The following LRRC4C variants were observed in gnomAD, a reference collection of about 807,000 sequenced individuals.
LRRC4C encodes the protein leucine-rich repeat-containing protein 4C.
A neutral mutation model predicts 33.6 loss-of-function variants in LRRC4C; 5 were observed. The observed-to-expected ratio is 0.15, with a 90% confidence interval of 0.08 to 0.31. The LOEUF (loss-of-function observed/expected upper bound fraction) is 0.31. Ranked by LOEUF, LRRC4C falls within the 10% of genes least tolerant of loss-of-function variation. LRRC4C has a pLI of 1.00. For missense variants in LRRC4C, 560 were observed against 796.7 expected (o/e 0.70, Z 3.58); for synonymous variants, 329 against 302.0 (o/e 1.09, Z -0.93).
At chr11:41,377,664 G>A (rs949647660) in intron 1 of LRRC4C, among the ~76,000 whole-genome samples, 4 of 152,090 alleles carry the variant, frequency 2.6e-5, no homozygotes, top group African/African-American at 9.7e-5. Flanking sequence ...AAACATAGAT[G>A]ATCCTTCAAA....
At chr11:40,209,621 C>A (rs1002605377) in intron 5 of LRRC4C, among the ~76,000 whole-genome samples, 2 of 152,118 alleles carry the variant, frequency 1.3e-5, no homozygotes, top group Non-Finnish European at 1.5e-5. Flanking sequence ...CGGCTCACGG[C>A]AACCTCTGCC....
chr11:40,789,048 G>A (rs1350597475), intron 2 of LRRC4C, among the ~76,000 whole-genome samples: 4 of 146,090 alleles, frequency 2.7e-5, no homozygotes, highest in Non-Finnish European at 5.9e-5. Context: ...AGCCGAGATC[G>A]CGCCACTGCG....
chr11:41,399,333 G>A (rs1953939950), intron 1 of LRRC4C, among the ~76,000 whole-genome samples: 1 of 151,942 alleles, frequency 6.6e-6, no homozygotes, highest in Non-Finnish European at 1.5e-5. Context: ...TTAGAAGTAT[G>A]TTCATTTTCT....
At chr11:40,980,923 C>T (rs1852473734) in intron 1 of LRRC4C, among the ~76,000 whole-genome samples, 1 of 152,162 alleles carries the variant, frequency 6.6e-6, no homozygotes, top group Non-Finnish European at 1.5e-5. Flanking sequence ...AACAGTAACA[C>T]ATATCAGGCT....
At chr11:41,014,063 C>A (rs2137571893) in intron 1 of LRRC4C, among the ~76,000 whole-genome samples, 1 of 152,216 alleles carries the variant, frequency 6.6e-6, no homozygotes, top group Admixed American at 6.5e-5. Flanking sequence ...TGTGGAGACC[C>A]AGATCCAAAC....
chr11:40,829,905 A>C (rs1432313213), intron 2 of LRRC4C, among the ~76,000 whole-genome samples: 4 of 152,050 alleles, frequency 2.6e-5, no homozygotes, highest in Admixed American at 6.6e-5. Context: ...GTGTGTTTAA[A>C]GTCCCCCAGG....
intron 3 of LRRC4C, among the ~76,000 whole-genome samples, chr11:40,400,647 C>G (rs1191797021): frequency 6.6e-6 from 1 of 152,074 alleles, no homozygotes. Flanking sequence ...TGATGAAACT[C>G]CAGACATTCT....
At chr11:40,326,102 G>C (rs995343450) in intron 3 of LRRC4C, among the ~76,000 whole-genome samples, 10 of 151,670 alleles carry the variant, frequency 6.6e-5, no homozygotes, top group African/African-American at 1.5e-4. Flanking sequence ...TTGCACTTAG[G>C]TTATAAAAAC....
chr11:40,544,572 C>T (rs1218445236), intron 3 of LRRC4C, among the ~76,000 whole-genome samples: 2 of 152,044 alleles, frequency 1.3e-5, no homozygotes, highest in Non-Finnish European at 2.9e-5. Flanking sequence ...CAACAAAATA[C>T]ACTTGGCATT....
At chr11:41,417,965 CAAATATATA>C (rs1954746821) in intron 1 of LRRC4C, among the ~76,000 whole-genome samples, 4 of 150,126 alleles carry the variant, frequency 2.7e-5, no homozygotes, top group South Asian at 4.2e-4. Flanking sequence ...CAAATATATA[CAAATATATA>C]CGTGTATATA....
intron 2 of LRRC4C, among the ~76,000 whole-genome samples, chr11:40,711,015 T>C (rs982331187): frequency 1.3e-5 from 2 of 152,050 alleles, no homozygotes; most frequent in East Asian, 3.9e-4. Context: ...TGGGATAAAA[T>C]CTCCTGGTGT....
At chr11:40,444,287 A>G (rs1297822634) in intron 3 of LRRC4C, among the ~76,000 whole-genome samples, 2 of 151,762 alleles carry the variant, frequency 1.3e-5, no homozygotes, top group Non-Finnish European at 2.9e-5. Context: ...GCCTAATACC[A>G]GAGCTGTTTC....
At chr11:40,449,167 C>A (rs993414762) in intron 3 of LRRC4C, among the ~76,000 whole-genome samples, 5 of 151,894 alleles carry the variant, frequency 3.3e-5, no homozygotes, top group Non-Finnish European at 4.4e-5. Flanking sequence ...GGTTAGATTG[C>A]AAAAATTGTC....
intron 2 of LRRC4C, among the ~76,000 whole-genome samples, chr11:40,863,501 C>T (rs1954204596): frequency 6.6e-6 from 1 of 152,166 alleles, no homozygotes; most frequent in Non-Finnish European, 1.5e-5. Flanking sequence ...CTTTTGTCAG[C>T]CCCACCTCTC....
chr11:40,665,850 C>T (rs1024669555), intron 2 of LRRC4C, among the ~76,000 whole-genome samples: 1 of 151,968 alleles, frequency 6.6e-6, no homozygotes, highest in Non-Finnish European at 1.5e-5. Context: ...TCTTTACCCA[C>T]AATTTTTACC....
At chr11:41,284,232 A>G (rs1318049097) in intron 1 of LRRC4C, among the ~76,000 whole-genome samples, 2 of 152,230 alleles carry the variant, frequency 1.3e-5, no homozygotes, top group Non-Finnish European at 2.9e-5. Flanking sequence ...ATATTGCTAA[A>G]ACAATCACGA....
intron 3 of LRRC4C, among the ~76,000 whole-genome samples, chr11:40,603,651 G>A (rs1002846924): frequency 2.0e-5 from 3 of 152,270 alleles, no homozygotes; most frequent in Admixed American, 2.0e-4. Context: ...TGTAGAAAAG[G>A]CTTCTGAATG....
chr11:40,676,297 A>G (rs1944397115), intron 2 of LRRC4C, among the ~76,000 whole-genome samples: 1 of 152,158 alleles, frequency 6.6e-6, no homozygotes, highest in Non-Finnish European at 1.5e-5. Flanking sequence ...GTTCTTCTGA[A>G]TCAATACTTG....
intron 4 of LRRC4C, among the ~76,000 whole-genome samples, chr11:40,269,460 T>C (rs1942526126): frequency 6.6e-6 from 1 of 152,132 alleles, no homozygotes; most frequent in Non-Finnish European, 1.5e-5. Context: ...AAAGCAATAT[T>C]TAGGAAATTT....
Sources: gnomAD v4.1 joint callset for allele counts (sites outside exome capture counted in the v4.1 genomes callset) on GRCh38, gnomAD v4.1.1 for gene constraint, MANE v1.5 for transcripts, NCBI Gene and HGNC (gene_info 2026-07-23, HGNC 2026-07-21) for gene names.